Variants in STIM1 observed in about 807,000 individuals in gnomAD.
The protein encoded by STIM1 is stromal interaction molecule 1.
In STIM1, 25 loss-of-function variants were observed where a neutral mutation model predicts 74.7. The observed-to-expected ratio is 0.33, with a 90% CI of 0.24 to 0.47. STIM1 has a LOEUF of 0.47. Ranked by LOEUF, STIM1 falls within the 20% of genes least tolerant of loss-of-function variation. STIM1 has a pLI of 1.00. For missense variants in STIM1, 728 were observed against 920.8 expected (o/e 0.79, Z 2.71); for synonymous variants, 328 against 348.8 (o/e 0.94, Z 0.66).
chr11:3,934,848 C>G (rs1454251392), intron 1 of STIM1, among the ~76,000 whole-genome samples: 2 of 152,232 alleles, frequency 1.3e-5, no homozygotes, highest in Non-Finnish European at 2.9e-5. Context: ...CCCTTCACCT[C>G]ACAGTGCTCT....
intron 1 of STIM1, among the ~76,000 whole-genome samples, chr11:3,912,290 CTCTT>C (rs969880065): frequency 1.4e-5 from 2 of 143,604 alleles, no homozygotes; most frequent in African/African-American, 2.6e-5. Context: ...CCTCTCTTCT[CTCTT>C]TCTTTTTTTC....
intron 1 of STIM1, among the ~76,000 whole-genome samples, chr11:3,933,238 C>T (rs746873652): frequency 2.2e-4 from 34 of 152,270 alleles, no homozygotes; most frequent in Admixed American, 5.9e-4. Context: ...AATGGGACCA[C>T]GTTTCCCCAA....
chr11:3,887,850 C>T (rs10835245), intron 1 of STIM1, among the ~76,000 whole-genome samples: 39,087 of 151,440 alleles, frequency 0.26, 5,753 homozygotes, highest in South Asian at 0.41. Context: ...CACCTGTAGT[C>T]CCAGCTACTT....
chr11:3,883,538 C>T lies in STIM1; in HGVS notation c.139+27129C>T, dbSNP rs1343018036. The stretch of plus-strand genomic sequence containing the variant: ...CCAGCTAATTTTGTATTTTTAGTAG[C>T]GATGGGGTTTTACCATGTTGGTCAG... On this transcript the variant is annotated intron_variant, in intron 1 of 12. Coordinates refer to ENST00000526596, the MANE Select transcript of STIM1 (RefSeq NM_001382567.1). Among the ~76,000 whole-genome samples the T allele has an allele frequency of 3.9e-5, 6 of 152,084 alleles. No individual in the cohort carries two copies. The East Asian group carries it at 7.7e-4, about 20-fold the overall frequency.
At chr11:3,960,134 T>C (rs1472338941) in intron 1 of STIM1, among the ~76,000 whole-genome samples, 1 of 152,250 alleles carries the variant, frequency 6.6e-6, no homozygotes, top group Non-Finnish European at 1.5e-5. Flanking sequence ...ACTTGTGCAA[T>C]TGAGTTGTAA....
intron 3 of STIM1, 31 bp from the exon 4 acceptor site, chr11:4,055,495 G>T: frequency 6.6e-7 from 1 of 1,521,576 alleles, no homozygotes; most frequent in Non-Finnish European, 9.0e-7. Context: ...TGGCATTCTA[G>T]AGTCATGGCT....
At position 4,034,688 on chromosome 11, in the gene STIM1, G is replaced by T. The variant is rs142101006; in HGVS notation, c.385+10701G>T. Among the ~76,000 whole-genome samples, 1,497 of 152,128 alleles carry T rather than the reference G, an allele frequency of 9.8e-3. 36 individuals carry two copies. Among genetic ancestry groups the T allele is most frequent in the East Asian group, 0.051 (262 of 5,178 alleles). On this transcript the variant is annotated intron_variant, in intron 3 of 12. Transcript: ENST00000526596. ...TTTTTTGAAGAGTTCATGTAGAATT[G>T]GTATTATTTTTTCTTAAATATTTGA...
At chr11:3,888,794 C>T (rs1050302448) in intron 1 of STIM1, among the ~76,000 whole-genome samples, 2 of 152,050 alleles carry the variant, frequency 1.3e-5, no homozygotes, top group South Asian at 2.1e-4. Flanking sequence ...TCAAGTGATC[C>T]GCCCGTGTCG....
At chr11:3,996,370 T>C (rs73429626) in intron 2 of STIM1, among the ~76,000 whole-genome samples, 4,281 of 152,278 alleles carry the variant, frequency 0.028, 175 homozygotes, top group African/African-American at 0.093. Context: ...CCAGTATTCT[T>C]AGTGGCACTG....
intron 11 of STIM1, 149 bp from the exon 12 acceptor site, chr11:4,086,328 G>C: frequency 1.2e-6 from 1 of 820,874 alleles, no homozygotes; most frequent in Non-Finnish European, 1.9e-6. Context: ...ACCCCTGGTG[G>C]GAGGTTTCTG....
intron 2 of STIM1, among the ~76,000 whole-genome samples, chr11:4,007,125 A>AT (rs1219295161): frequency 6.6e-6 from 1 of 151,810 alleles, no homozygotes; most frequent in Non-Finnish European, 1.5e-5. Context: ...CTGGGAGATC[A>AT]TTTTTCTGGG....
intron 5 of STIM1, among the ~76,000 whole-genome samples, chr11:4,065,253 T>A (rs997122235): frequency 6.6e-6 from 1 of 152,158 alleles, no homozygotes; most frequent in African/African-American, 2.4e-5. Flanking sequence ...CCTTCTTCAT[T>A]GGCTCAGAAA....
At chr11:4,069,875 C>A (rs113133831) in intron 5 of STIM1, 151 bp from the exon 6 acceptor site, 2 of 851,414 alleles carry the variant, frequency 2.3e-6, no homozygotes, top group Admixed American at 2.0e-5. Context: ...TAGTGTATGG[C>A]AAGTGTGTAT....
intron 8 of STIM1, among the ~76,000 whole-genome samples, chr11:4,082,652 C>A (rs973636568): frequency 3.9e-5 from 6 of 152,170 alleles, no homozygotes; most frequent in Non-Finnish European, 5.9e-5. Flanking sequence ...CCTCCTGGGG[C>A]AAAAGGGCTA....
chr11:4,007,563 T>C (rs983836606), intron 2 of STIM1, among the ~76,000 whole-genome samples: 1 of 152,108 alleles, frequency 6.6e-6, no homozygotes, highest in East Asian at 1.9e-4. Flanking sequence ...GCAGGGGAGA[T>C]AGACATCTAA....
intron 2 of STIM1, chr11:4,018,967 G>C (rs1433737830): frequency 6.5e-6 from 1 of 154,484 alleles, no homozygotes; most frequent in African/African-American, 2.4e-5. Context: ...AAGCAGCTCT[G>C]CTGGAGCCAC....
intron 1 of STIM1, among the ~76,000 whole-genome samples, chr11:3,949,736 A>G (rs192361491): frequency 6.6e-6 from 1 of 152,314 alleles, no homozygotes; most frequent in African/African-American, 2.4e-5. Context: ...AATAATATGG[A>G]GAGATCACTG....
At chr11:3,989,831 T>G (rs574322115) in intron 2 of STIM1, among the ~76,000 whole-genome samples, 1 of 152,316 alleles carries the variant, frequency 6.6e-6, no homozygotes, top group African/African-American at 2.4e-5. Flanking sequence ...ACTGTCTGAC[T>G]CTTTACAGAA....
At chr11:3,960,655 C>T (rs1300724576) in intron 1 of STIM1, among the ~76,000 whole-genome samples, 2 of 152,128 alleles carry the variant, frequency 1.3e-5, no homozygotes, top group Non-Finnish European at 2.9e-5. Context: ...AAACCTACCG[C>T]TTGTTGAGTT....
Sources: allele counts gnomAD v4.1 joint callset (sites outside exome capture counted in the v4.1 genomes callset), GRCh38; gene constraint gnomAD v4.1.1; transcripts MANE v1.5; gene names NCBI Gene and HGNC (gene_info 2026-07-23, HGNC 2026-07-21).